ZFHX4: variants seen among roughly 807,000 people sequenced by gnomAD.
The protein encoded by ZFHX4 is zinc finger homeobox protein 4.
ZFHX4 carries 56 observed loss-of-function variants against 267.6 expected under a neutral mutation model. The ratio of observed to expected loss-of-function variants is 0.21; its 90% CI spans 0.17 to 0.26. ZFHX4 has a LOEUF of 0.26. Ranked by LOEUF, ZFHX4 falls within the 10% of genes least tolerant of loss-of-function variation. The pLI, the probability that ZFHX4 is intolerant of heterozygous loss-of-function variation, is 1.00. For synonymous variants in ZFHX4, 1,778 were observed against 1,665.6 expected, an observed-to-expected ratio of 1.07 and a Z score of -1.64; for missense variants, 4,332 against 4,420.0, an observed-to-expected ratio of 0.98 and a Z score of 0.56.
At chr8:76,837,220 C>A (rs529008885) in intron 5 of ZFHX4, among the ~76,000 whole-genome samples, 7 of 152,116 alleles carry the variant, frequency 4.6e-5, no homozygotes, top group African/African-American at 1.4e-4. Flanking sequence ...GAGGAGGCCC[C>A]AGCAGAGGAG....
intron 4 of ZFHX4, chr8:76,782,308 G>A (rs930971413): frequency 9.3e-6 from 3 of 323,128 alleles, no homozygotes; most frequent in Non-Finnish European, 1.9e-5. Flanking sequence ...CTAGTACACA[G>A]CCACATGTGG....
rs192277687 is a variant in ZFHX4, at chr8:76,761,878, T to C, written c.3094-16330T>C. ...AAATGCAGAAGGAAGCATGTTACAATAGGATCACTTGAGAATACTTGCATT... is the reference window on the plus strand; with the variant it reads ...AAATGCAGAAGGAAGCATGTTACAACAGGATCACTTGAGAATACTTGCATT... On this transcript the variant is annotated intron_variant, in intron 3 of 10. Coordinates refer to ENST00000651372, the MANE Select transcript of ZFHX4 (RefSeq NM_024721.5). Among the ~76,000 whole-genome samples the C allele has an allele frequency of 5.2e-3, 793 of 152,310 alleles. 5 individuals carry two copies. The highest frequency in any genetic ancestry group is 0.014 in the African/African-American group (574 of 41,578).
Position 76,850,281 on chromosome 8 carries a change from C to T in ZFHX4, c.3883C>T (p.Leu1295=), listed in dbSNP as rs1013262966. Reference sequence around the variant, plus strand: ...TGATGTGATGATGCCAAACAGTATGCTACTGCCAGCAGCTGCCTCTGAGAA... The same window carrying T: ...TGATGTGATGATGCCAAACAGTATGTTACTGCCAGCAGCTGCCTCTGAGAA... The part of the protein sequence containing the change: ...VPDVMMPNSM[L]LPAAASEKSE... The change falls in exon 9 of 11, where the codon CTA becomes TTA. Residue 1295 remains leucine (L), a synonymous_variant. Transcript: ENST00000651372. The T allele has an allele frequency of 3.1e-6, 5 of 1,613,134 alleles. No individual in the cohort carries two copies. The African/African-American group carries it at 6.7e-5, about 22-fold the overall frequency.
intron 5 of ZFHX4, among the ~76,000 whole-genome samples, chr8:76,839,200 C>T (rs1261126431): frequency 6.6e-6 from 1 of 152,118 alleles, no homozygotes; most frequent in Non-Finnish European, 1.5e-5. Context: ...AGGATAAACT[C>T]ATATCAGTTT....
rs904313717 is a variant in ZFHX4, at chr8:76,863,874, G to T, written c.10160G>T (p.Ser3387Ile). The change falls in exon 11 of 11, where the codon AGT becomes ATT. Residue 3387 changes from serine (S) to isoleucine (I), a missense_variant. This residue lies in a region of ZFHX4 where 1,648 missense variants were observed against 1,625.0 expected (regional missense o/e 1.01). Coordinates refer to ENST00000651372, the MANE Select transcript of ZFHX4 (RefSeq NM_024721.5). ...TKEEPQLESK[S>I]ADFSDTYVVP... ...GAAGAACCCCAGTTAGAATCCAAAAGTGCAGACTTTTCAGACACTTACGTT... is the reference window on the plus strand; with the variant it reads ...GAAGAACCCCAGTTAGAATCCAAAATTGCAGACTTTTCAGACACTTACGTT... 6.4e-7 allele frequency: 1 copy of T among 1,562,314 alleles called. No individual in the cohort carries two copies. The highest frequency in any genetic ancestry group is 8.7e-7 in the Non-Finnish European group (1 of 1,152,414).
At chr8:76,692,675 C>T (rs561476606) in intron 1 of ZFHX4, among the ~76,000 whole-genome samples, 1 of 151,852 alleles carries the variant, frequency 6.6e-6, no homozygotes, top group Admixed American at 6.6e-5. Flanking sequence ...TTTGAACCAC[C>T]TGGAAATGAA....
chr8:76,765,214 C>A (rs552803944), intron 3 of ZFHX4, among the ~76,000 whole-genome samples: 2 of 152,050 alleles, frequency 1.3e-5, no homozygotes, highest in Admixed American at 6.6e-5. Context: ...GCTTAATAGA[C>A]CATAAAAATT....
At chr8:76,848,271 A>C (rs1347158937) in intron 6 of ZFHX4, among the ~76,000 whole-genome samples, 1 of 152,160 alleles carries the variant, frequency 6.6e-6, no homozygotes, top group East Asian at 1.9e-4. Context: ...GGGAAATTAG[A>C]ATTGCACTCT....
chr8:76,847,246 T>A (rs1812386917), intron 6 of ZFHX4, among the ~76,000 whole-genome samples: 1 of 152,152 alleles, frequency 6.6e-6, no homozygotes, highest in Non-Finnish European at 1.5e-5. Flanking sequence ...AACATATATT[T>A]TTTGATTCCA....
rs1283988404 is a variant in ZFHX4, at chr8:76,867,116, A to G, written c.*2551A>G. 1 of 152,636 alleles carries G rather than the reference A, an allele frequency of 6.6e-6. No individual in the cohort carries two copies. The highest frequency in any genetic ancestry group is 1.5e-5 in the Non-Finnish European group (1 of 68,026). 9.5% of individuals were successfully genotyped at this position (152,636 alleles called of 1,614,324 possible). On this transcript the variant is annotated 3_prime_UTR_variant, in exon 11 of 11. Coordinates refer to ENST00000651372, the MANE Select transcript of ZFHX4 (RefSeq NM_024721.5). Reference sequence around the variant, plus strand: ...TTTGAAGTCTCAAATGCACCGTATTACGGTAAATAACATGGTTTTGAAAAC... The same window carrying G: ...TTTGAAGTCTCAAATGCACCGTATTGCGGTAAATAACATGGTTTTGAAAAC...
intron 4 of ZFHX4, among the ~76,000 whole-genome samples, chr8:76,796,376 C>G (rs1471643115): frequency 6.6e-6 from 1 of 152,070 alleles, no homozygotes; most frequent in Non-Finnish European, 1.5e-5. Flanking sequence ...AGTTTTTTCA[C>G]TATAACTTCA....
In ZFHX4 at chr8:76,854,307, T is replaced by C; in HGVS notation, c.7386T>C (p.Pro2462=). 1 of 1,611,674 alleles carries C rather than the reference T, an allele frequency of 6.2e-7. No homozygotes were observed. ...PPKQPQLIGR[P]PSASQTPVPS... The stretch of plus-strand genomic sequence containing the variant: ...AACAACCCCAACTTATCGGAAGACC[T>C]CCCTCGGCCTCTCAAACACCGGTCC... Residue 2462 remains proline (P), a synonymous_variant, in exon 10 of 11, where the codon CCT becomes CCC. Transcript: ENST00000651372.
intron 5 of ZFHX4, among the ~76,000 whole-genome samples, chr8:76,841,801 C>T (rs1812240909): frequency 6.6e-6 from 1 of 152,120 alleles, no homozygotes; most frequent in Non-Finnish European, 1.5e-5. Flanking sequence ...TCTGGCATTA[C>T]TCAGATTGCC....
rs369922403 is a variant in ZFHX4, at chr8:76,710,654, C to T, written c.3093+2606C>T. ...AACATTAAGGGGAAGTGACAAGTAG[C>T]AGTTATAAGACAAATACAGAGCTGC... On this transcript the variant is annotated intron_variant, in intron 3 of 10. Coordinates refer to ENST00000651372, the MANE Select transcript of ZFHX4 (RefSeq NM_024721.5). Among the ~76,000 whole-genome samples, 283 of 152,244 alleles carry T rather than the reference C, an allele frequency of 1.9e-3. 1 individual carries two copies. The highest frequency in any genetic ancestry group is 6.5e-3 in the African/African-American group (272 of 41,558).
At chr8:76,781,716 T>G (rs1810552882) in intron 4 of ZFHX4, among the ~76,000 whole-genome samples, 1 of 152,080 alleles carries the variant, frequency 6.6e-6, no homozygotes. Flanking sequence ...AAAATATTTC[T>G]ACTGGCATTT....
chr8:76,864,652 T>A lies in ZFHX4; in HGVS notation c.*87T>A. ...ACTTTAACTGCAGTTCCAAAGCTTC[T>A]CTAACCCAAAAATTACAGTACCAAA... On this transcript the variant is annotated 3_prime_UTR_variant, in exon 11 of 11. Transcript: ENST00000651372. 1 of 1,004,636 alleles carries A rather than the reference T, an allele frequency of 1.0e-6. No homozygotes were observed. Among genetic ancestry groups the A allele is most frequent in the Non-Finnish European group, 1.4e-6 (1 of 714,060 alleles). The allele number at this position is 1,004,636 out of a possible 1,614,324, so 62.2% of individuals were successfully genotyped here. A position where few individuals can be genotyped will look rare whatever the true frequency, so the allele number is the denominator to read the frequency against.
chr8:76,866,266 C>T lies in ZFHX4; in HGVS notation c.*1701C>T, dbSNP rs78772317. The T allele has an allele frequency of 2.0e-3, 298 of 152,494 alleles. 4 individuals carry two copies. The highest frequency in any genetic ancestry group is 6.9e-3 in the African/African-American group (286 of 41,488). 9.4% of individuals were successfully genotyped at this position (152,494 alleles called of 1,614,324 possible). ...TGTATTGCTTTTGATATTTCTCTTC[C>T]GAGATGAACAAGTAGCATGTAATGC... is the stretch of plus-strand genomic sequence containing the variant. On this transcript the variant is annotated 3_prime_UTR_variant, in exon 11 of 11. Transcript: ENST00000651372.
chr8:76,741,466 A>G (rs965444031), intron 3 of ZFHX4, among the ~76,000 whole-genome samples: 2 of 152,234 alleles, frequency 1.3e-5, no homozygotes, highest in African/African-American at 4.8e-5. Flanking sequence ...GCCAGGAGCA[A>G]GGTCAAGTCC....
At chr8:76,860,534 C>G (rs916020880) in intron 10 of ZFHX4, among the ~76,000 whole-genome samples, 1 of 151,906 alleles carries the variant, frequency 6.6e-6, no homozygotes, top group Non-Finnish European at 1.5e-5. Flanking sequence ...ATTTTCATGT[C>G]GGAGACAGGT....
Sources: allele counts gnomAD v4.1 joint callset (sites outside exome capture counted in the v4.1 genomes callset), GRCh38; gene constraint gnomAD v4.1.1; regional missense constraint gnomAD v4.1.1; transcripts MANE v1.5; gene names NCBI Gene and HGNC (gene_info 2026-07-23, HGNC 2026-07-21).